The following PLCB4 variants were observed in gnomAD, a reference collection of about 807,000 sequenced individuals.
PLCB4 encodes phospholipase C beta 4, also known as 1-phosphatidylinositol 4,5-bisphosphate phosphodiesterase beta-4.
Under a neutral mutation model 178.8 loss-of-function variants are expected in PLCB4, and 77 were observed. The observed-to-expected ratio is 0.43, with a 90% confidence interval of 0.36 to 0.52. The LOEUF (loss-of-function observed/expected upper bound fraction) is 0.52, where lower values mean the gene tolerates loss of function less well. Among genes scored for constraint, PLCB4 ranks in the 20% least tolerant of loss-of-function variants. PLCB4 has a pLI of 0.00. For missense variants in PLCB4, 1,024 were observed against 1,453.4 expected, an observed-to-expected ratio of 0.70 and a Z score of 4.80; for synonymous variants, 496 against 490.8, an observed-to-expected ratio of 1.01 and a Z score of -0.14.
At chr20:9,393,738 T>C (rs971384369) in intron 18 of PLCB4, 60 bp downstream of exon 18, 7 of 1,103,484 alleles carry the variant, frequency 6.3e-6, no homozygotes, top group Admixed American at 5.3e-5. Context: ...ACATTTCAGC[T>C]GTTGAGAATT....
At chr20:9,402,017 G>C (rs2039063304) in intron 20 of PLCB4, among the ~76,000 whole-genome samples, 1 of 152,194 alleles carries the variant, frequency 6.6e-6, no homozygotes, top group South Asian at 2.1e-4. Context: ...GCATAAAAAT[G>C]TTTCCAGATA....
At chr20:9,240,987 A>G (rs1485979945) in intron 3 of PLCB4, among the ~76,000 whole-genome samples, 1 of 152,182 alleles carries the variant, frequency 6.6e-6, no homozygotes. Context: ...CCTATCTAAT[A>G]CATTGAATCA....
chr20:9,253,040 A>G (rs971032174), intron 3 of PLCB4, among the ~76,000 whole-genome samples: 2 of 152,136 alleles, frequency 1.3e-5, no homozygotes, highest in African/African-American at 4.8e-5. Flanking sequence ...GTCTCTCTGC[A>G]TATCCTTTCA....
intron 3 of PLCB4, among the ~76,000 whole-genome samples, chr20:9,266,618 G>A (rs1173316227): frequency 2.6e-5 from 4 of 152,188 alleles, no homozygotes; most frequent in Middle Eastern, 3.4e-3. Flanking sequence ...TAATACTGTC[G>A]CTTTCTTTTT....
intron 2 of PLCB4, among the ~76,000 whole-genome samples, chr20:9,123,622 C>A (rs985216071): frequency 6.6e-6 from 1 of 151,948 alleles, no homozygotes; most frequent in Admixed American, 6.6e-5. Context: ...ATTTTCTCAT[C>A]TTCCCTAGAG....
chr20:9,436,905 T>C (rs1485327906), intron 29 of PLCB4, 97 bp from the exon 30 acceptor site: 2 of 1,122,392 alleles, frequency 1.8e-6, no homozygotes, highest in Non-Finnish European at 2.6e-6. Flanking sequence ...AGGAAGAGTA[T>C]GGTAGAAGTT....
At chr20:9,263,320 A>C (rs1185531802) in intron 3 of PLCB4, among the ~76,000 whole-genome samples, 1 of 152,178 alleles carries the variant, frequency 6.6e-6, no homozygotes, top group Non-Finnish European at 1.5e-5. Context: ...AAAATTGACC[A>C]CTACCCTATG....
chr20:9,354,714 G>A (rs548328245), intron 7 of PLCB4, among the ~76,000 whole-genome samples: 117 of 152,244 alleles, frequency 7.7e-4, no homozygotes, highest in African/African-American at 2.8e-3. Flanking sequence ...TACAAGCCCT[G>A]GTATCCTTGT....
chr20:9,406,083 T>C (rs541156039), intron 21 of PLCB4, among the ~76,000 whole-genome samples: 17 of 152,232 alleles, frequency 1.1e-4, no homozygotes, highest in Non-Finnish European at 1.2e-4. Flanking sequence ...TAGAATTTCA[T>C]AATTCATAAT....
intron 35 of PLCB4, among the ~76,000 whole-genome samples, chr20:9,463,570 A>C (rs2043547332): frequency 7.0e-6 from 1 of 143,844 alleles, no homozygotes; most frequent in Non-Finnish European, 1.5e-5. Context: ...GGATGGAGGA[A>C]GATCTACCAA....
intron 29 of PLCB4, 50 bp from the exon 30 acceptor site, chr20:9,436,952 T>C: frequency 6.4e-7 from 1 of 1,567,232 alleles, no homozygotes; most frequent in Non-Finnish European, 8.8e-7. Flanking sequence ...TACAAGATAT[T>C]TGACCTTGAG....
intron 19 of PLCB4, among the ~76,000 whole-genome samples, chr20:9,399,694 A>C (rs10427456): frequency 0.02 from 3,027 of 152,350 alleles, 113 homozygotes; most frequent in African/African-American, 0.069. Flanking sequence ...TCATGTATTC[A>C]TACAATTCTC....
intron 2 of PLCB4, among the ~76,000 whole-genome samples, chr20:9,132,683 A>T (rs979053): frequency 0.46 from 70,497 of 152,014 alleles, 17,096 homozygotes; most frequent in Middle Eastern, 0.57. Flanking sequence ...TATTGGATTT[A>T]TCGTTTGCGA....
chr20:9,383,188 T>C (rs914584267), intron 13 of PLCB4, among the ~76,000 whole-genome samples: 1 of 152,248 alleles, frequency 6.6e-6, no homozygotes, highest in Non-Finnish European at 1.5e-5. Context: ...CAGAACCATT[T>C]TGGAGGTAAA....
At chr20:9,230,811 G>C (rs542116726) in intron 3 of PLCB4, among the ~76,000 whole-genome samples, 1 of 152,238 alleles carries the variant, frequency 6.6e-6, no homozygotes, top group South Asian at 2.1e-4. Flanking sequence ...AAAGTACCCA[G>C]AGTACGAGAG....
chr20:9,299,157 A>C (rs2094675039), intron 3 of PLCB4, among the ~76,000 whole-genome samples: 1 of 152,050 alleles, frequency 6.6e-6, no homozygotes, highest in Non-Finnish European at 1.5e-5. Context: ...AGGGGAGAAC[A>C]ACGTTTTACA....
Position 9,435,543 on chromosome 20 carries a change from G to A in PLCB4, c.2525-17G>A. 7.0e-7 allele frequency: 1 copy of A among 1,433,232 alleles called. No individual in the cohort carries two copies. The highest frequency in any genetic ancestry group is 1.8e-5 in the Admixed American group (1 of 57,088). The allele number at this position is 1,433,232 out of a possible 1,614,324, so 88.8% of individuals were successfully genotyped here. A position where few individuals can be genotyped will look rare whatever the true frequency, so the allele number is the denominator to read the frequency against. ...AAACAGAGAATTAACGGCTCATTGG[G>A]TTTTTTTTTCCCCTAGATATCGTGG... On this transcript the variant is annotated splice_polypyrimidine_tract_variant and intron_variant, in intron 28 of 39. Coordinates refer to ENST00000378473, the MANE Select transcript of PLCB4 (RefSeq NM_001377142.1).
chr20:9,402,200 A>G (rs923659332), intron 20 of PLCB4, among the ~76,000 whole-genome samples: 3 of 152,252 alleles, frequency 2.0e-5, no homozygotes, highest in African/African-American at 7.2e-5. Context: ...TCAAATAACT[A>G]TATAATTACA....
chr20:9,453,775 CT>C (rs2042906665), intron 33 of PLCB4, among the ~76,000 whole-genome samples: 1 of 152,178 alleles, frequency 6.6e-6, no homozygotes, highest in African/African-American at 2.4e-5. Context: ...CCTCTTTACT[CT>C]GAGAATTGAT....
Sources: allele counts gnomAD v4.1 joint callset (sites outside exome capture counted in the v4.1 genomes callset), GRCh38; gene constraint gnomAD v4.1.1; transcripts MANE v1.5; gene names NCBI Gene and HGNC (gene_info 2026-07-23, HGNC 2026-07-21).